The following LRBA variants were observed in gnomAD, a reference collection of about 807,000 sequenced individuals.
The protein encoded by LRBA is LPS responsive beige-like anchor protein, also known as lipopolysaccharide-responsive and beige-like anchor protein.
LRBA carries 176 observed loss-of-function variants against 330.0 expected under a neutral mutation model. The ratio of observed to expected loss-of-function variants is 0.53; its 90% CI spans 0.47 to 0.60. The LOEUF (loss-of-function observed/expected upper bound fraction) is 0.60, where lower values mean the gene tolerates loss of function less well. Ranked by LOEUF, LRBA falls within the 20% of genes least tolerant of loss-of-function variation. The pLI is 0.00. For missense variants in LRBA, 3,259 were observed against 3,444.8 expected (o/e 0.95, Z 1.35); for synonymous variants, 1,230 against 1,193.0 (o/e 1.03, Z -0.64).
chr4:150,833,590 TA>T (rs938373422), intron 28 of LRBA, among the ~76,000 whole-genome samples: 8 of 151,850 alleles, frequency 5.3e-5, no homozygotes, highest in African/African-American at 1.7e-4. Flanking sequence ...GCATTGTATC[TA>T]AAAAAAACGC....
rs563865648 is a variant in LRBA at position 150,597,407 on chromosome 4, C to T, written c.6046+1600G>A. On this transcript the variant is annotated intron_variant, in intron 38 of 56. Transcript: ENST00000651943. ...TATTTTAATAAATTCTATATTAAAT[C>T]TATACCACAAATTTTAAATTGAATT... Among the ~76,000 whole-genome samples, 52 of 151,824 alleles carry T rather than the reference C, an allele frequency of 3.4e-4. No homozygotes were observed. The South Asian group carries it at 5.4e-3, about 16-fold the overall frequency.
At chr4:150,453,508 T>C (rs996812040) in intron 44 of LRBA, among the ~76,000 whole-genome samples, 3 of 152,158 alleles carry the variant, frequency 2.0e-5, no homozygotes, top group African/African-American at 7.2e-5. Context: ...CAATACATTC[T>C]AGACAAAAAA....
intron 36 of LRBA, among the ~76,000 whole-genome samples, chr4:150,723,119 G>A (rs911891174): frequency 3.3e-5 from 5 of 152,100 alleles, no homozygotes; most frequent in Admixed American, 1.3e-4. Flanking sequence ...TTGAAAGGAA[G>A]TCTAGGACAC....
chr4:150,669,022 C>A (rs945545069), intron 37 of LRBA, among the ~76,000 whole-genome samples: 5 of 152,104 alleles, frequency 3.3e-5, no homozygotes, highest in African/African-American at 1.2e-4. Flanking sequence ...GATAGCAAAA[C>A]CAGTCATTGT....
intron 34 of LRBA, among the ~76,000 whole-genome samples, chr4:150,765,902 T>C (rs1055274369): frequency 6.6e-6 from 1 of 152,120 alleles, no homozygotes; most frequent in Non-Finnish European, 1.5e-5. Context: ...TTAAAGTTAG[T>C]ATAACTATCA....
chr4:150,513,878 A>G (rs1262895582), intron 40 of LRBA, among the ~76,000 whole-genome samples: 4 of 152,154 alleles, frequency 2.6e-5, no homozygotes, highest in African/African-American at 9.7e-5. Flanking sequence ...ATCAGTCCAT[A>G]GCATCTCCAA....
At chr4:150,942,091 A>G (rs974185510) in intron 2 of LRBA, among the ~76,000 whole-genome samples, 3 of 152,206 alleles carry the variant, frequency 2.0e-5, no homozygotes, top group Admixed American at 1.3e-4. Context: ...TATCCCACCC[A>G]AAGAACTTCA....
Position 150,786,254 on chromosome 4 carries a change from C to CTT in LRBA, c.5580+11825_5580+11826dup, listed in dbSNP as rs34501190. ...TTTAAGACTTTTGCATTTTGCATTTCTTTTTTTTTTTTTTTTGAGATGGAG... is the reference window on the plus strand; with the variant it reads ...TTTAAGACTTTTGCATTTTGCATTTCTTTTTTTTTTTTTTTTTTGAGATGGAG... On this transcript the variant is annotated intron_variant, in intron 34 of 56. Coordinates refer to ENST00000651943, the MANE Select transcript of LRBA (RefSeq NM_001364905.1). Among the ~76,000 whole-genome samples, 287 of 137,092 alleles carry CTT rather than the reference C, an allele frequency of 2.1e-3. 4 individuals are homozygous for CTT. The highest frequency in any genetic ancestry group is 3.7e-3 in the Middle Eastern group (1 of 272). 89.9% of individuals were successfully genotyped at this position (137,092 alleles called of 152,430 possible).
intron 37 of LRBA, among the ~76,000 whole-genome samples, chr4:150,680,581 T>A (rs1344366087): frequency 6.6e-6 from 1 of 152,230 alleles, no homozygotes; most frequent in Non-Finnish European, 1.5e-5. Context: ...GTCTACCAAC[T>A]ATAACATGTT....
intron 48 of LRBA, among the ~76,000 whole-genome samples, chr4:150,335,291 C>T (rs1391797988): frequency 9.2e-5 from 14 of 151,808 alleles, no homozygotes; most frequent in African/African-American, 2.7e-4. Flanking sequence ...GAGTTGAATA[C>T]ACCTGACATA....
chr4:150,405,857 C>T (rs1429098803), intron 47 of LRBA, among the ~76,000 whole-genome samples: 1 of 151,598 alleles, frequency 6.6e-6, no homozygotes, highest in African/African-American at 2.4e-5. Context: ...GAGTTCAAGA[C>T]CAGCTTGGGC....
intron 47 of LRBA, among the ~76,000 whole-genome samples, chr4:150,409,804 C>T (rs1746702699): frequency 1.3e-5 from 2 of 152,104 alleles, no homozygotes; most frequent in African/African-American, 4.8e-5. Flanking sequence ...AAAAATTTCA[C>T]AGTAAATTAC....
chr4:150,960,740 T>C (rs1382542140), intron 2 of LRBA, among the ~76,000 whole-genome samples: 1 of 149,236 alleles, frequency 6.7e-6, no homozygotes, highest in Non-Finnish European at 1.5e-5. Context: ...GGTTTTTCAA[T>C]AGTTACAGTT....
intron 35 of LRBA, among the ~76,000 whole-genome samples, chr4:150,735,889 A>T (rs959476291): frequency 2.0e-5 from 3 of 152,238 alleles, no homozygotes; most frequent in African/African-American, 7.2e-5. Context: ...AGTGTACCCC[A>T]GAAAGCAAGA....
At chr4:151,011,359 G>A (rs1744819935) in intron 2 of LRBA, among the ~76,000 whole-genome samples, 1 of 152,092 alleles carries the variant, frequency 6.6e-6, no homozygotes, top group African/African-American at 2.4e-5. Context: ...AGCACTTCAG[G>A]AGGCTGAACG....
intron 3 of LRBA, 104 bp downstream of exon 3, chr4:150,928,730 T>C (rs1241738388): frequency 2.4e-6 from 3 of 1,261,446 alleles, no homozygotes; most frequent in Non-Finnish European, 2.2e-6. Context: ...GCATGCTACA[T>C]GCTCAAATAT....
rs1186486544 is a variant in LRBA at position 150,579,774 on chromosome 4, C to A, written c.6330+8274G>T. On this transcript the variant is annotated intron_variant, in intron 40 of 56. Coordinates refer to ENST00000651943, the MANE Select transcript of LRBA (RefSeq NM_001364905.1). Reference sequence around the variant, plus strand: ...CAGGACTTGCGGCGCGGCGGCGGAGCCATGCGAACCAACTCCGCCACCCCT... The same window carrying A: ...CAGGACTTGCGGCGCGGCGGCGGAGACATGCGAACCAACTCCGCCACCCCT... 3 of 453,826 alleles carry A rather than the reference C, an allele frequency of 6.6e-6. No homozygotes were observed. The East Asian group carries it at 2.1e-4, about 32-fold the overall frequency. 28.1% of individuals were successfully genotyped at this position (453,826 alleles called of 1,614,324 possible). A position where few individuals can be genotyped will look rare whatever the true frequency, so the allele number is the denominator to read the frequency against.
chr4:150,456,505 T>C (rs1430883075), intron 44 of LRBA, among the ~76,000 whole-genome samples: 2 of 152,128 alleles, frequency 1.3e-5, no homozygotes, highest in African/African-American at 4.8e-5. Flanking sequence ...CTTGTGCCCA[T>C]TTAAAAAATT....
chr4:150,380,529 A>C (rs921622758), intron 47 of LRBA, among the ~76,000 whole-genome samples: 2 of 152,232 alleles, frequency 1.3e-5, no homozygotes, highest in Non-Finnish European at 2.9e-5. Context: ...TCTGCATTTT[A>C]AACAAACACT....
Sources: gnomAD v4.1 joint callset for allele counts (sites outside exome capture counted in the v4.1 genomes callset) on GRCh38, gnomAD v4.1.1 for gene constraint, MANE v1.5 for transcripts, NCBI Gene and HGNC (gene_info 2026-07-23, HGNC 2026-07-21) for gene names.